The following GALNT5 variants were observed in gnomAD, a reference collection of about 807,000 sequenced individuals.
GALNT5 encodes the protein UDP-GalNAc:polypeptide N-acetylgalactosaminyltransferase 5.
A neutral mutation model predicts 85.4 loss-of-function variants in GALNT5; 72 were observed. The ratio of observed to expected loss-of-function variants is 0.84; its 90% CI spans 0.70 to 1.03. The LOEUF (loss-of-function observed/expected upper bound fraction) is 1.03, where lower values mean the gene tolerates loss of function less well. GALNT5 is among the 50% of genes least tolerant of loss of function. The probability of loss-of-function intolerance (pLI) is 0.00; values close to 1 mark genes in which losing one functional copy is unlikely to be tolerated. For missense variants in GALNT5, 1,137 were observed against 1,135.5 expected (o/e 1.00, Z -0.02); for synonymous variants, 404 against 397.0 (o/e 1.02, Z -0.21).
chr2:157,259,611 T>C, intron 1 of GALNT5, 75 bp downstream of exon 1: 2 of 1,072,966 alleles, frequency 1.9e-6, no homozygotes, highest in Non-Finnish European at 2.5e-6. Context: ...TATTGCTAGA[T>C]AATTCTGTGT....
intron 1 of GALNT5, among the ~76,000 whole-genome samples, chr2:157,281,681 T>C (rs1461734717): frequency 6.6e-6 from 1 of 152,190 alleles, no homozygotes; most frequent in Non-Finnish European, 1.5e-5. Flanking sequence ...GAGCAGAATG[T>C]TGGCAAAAAT....
At chr2:157,294,007 C>T (rs938973705) in intron 3 of GALNT5, among the ~76,000 whole-genome samples, 3 of 152,128 alleles carry the variant, frequency 2.0e-5, no homozygotes, top group Non-Finnish European at 4.4e-5. Context: ...AAAATTAGTT[C>T]TATACTGCAG....
chr2:157,296,999 A>T (rs1018769020), intron 5 of GALNT5, among the ~76,000 whole-genome samples: 1 of 152,204 alleles, frequency 6.6e-6, no homozygotes, highest in African/African-American at 2.4e-5. Context: ...CTGGATATGA[A>T]TTCAAGTTTG....
chr2:157,258,689 C>A lies in GALNT5; in HGVS notation c.607C>A (p.Pro203Thr), dbSNP rs1398609750. 6.2e-7 allele frequency: 1 copy of A among 1,613,890 alleles called. No individual in the cohort carries two copies. Among genetic ancestry groups the A allele is most frequent in the South Asian group, 1.1e-5 (1 of 91,052 alleles). Residue 203 changes from proline (P) to threonine (T), a missense_variant, in exon 1 of 10, where the codon CCC becomes ACC. By Grantham distance (38) the Pro-to-Thr change is conservative (BLOSUM62 -1). Coordinates refer to ENST00000259056, the MANE Select transcript of GALNT5 (RefSeq NM_014568.3). ...ACAGGAGCCCCGGAAGAGTCATAGT[C>A]CCAGCAGTGACACATCAAAACTAGC... ...LKQEPRKSHS[P>T]SSDTSKLAAE...
chr2:157,271,719 G>A (rs74675100), intron 1 of GALNT5, among the ~76,000 whole-genome samples: 10,528 of 152,162 alleles, frequency 0.069, 1,216 homozygotes, highest in African/African-American at 0.24. Context: ...TGAAGTCAAG[G>A]TTTCTGTTTC....
At chr2:157,290,073 C>CAA (rs1373726727) in intron 3 of GALNT5, among the ~76,000 whole-genome samples, 5 of 88,108 alleles carry the variant, frequency 5.7e-5, no homozygotes, top group African/African-American at 2.9e-4. Flanking sequence ...AATTCTGTCT[C>CAA]AAAAAAAAAA....
chr2:157,295,561 A>T, intron 3 of GALNT5, 102 bp from the exon 4 acceptor site: 2 of 844,904 alleles, frequency 2.4e-6, no homozygotes, highest in Non-Finnish European at 3.6e-6. Context: ...CACTGCATTT[A>T]TAGCCACATT....
At chr2:157,273,630 CTTTTTTTTTTTTTTT>C (rs35430045) in intron 1 of GALNT5, among the ~76,000 whole-genome samples, 2 of 23,744 alleles carry the variant, frequency 8.4e-5, no homozygotes, top group South Asian at 1.1e-3. Context: ...ATATTTCTTG[CTTTTTTTTTTTTTTT>C]TTTTTTTTTT....
At position 157,259,327 on chromosome 2, in the gene GALNT5, T is replaced by C. The variant is rs1682283589; in HGVS notation, c.1245T>C (p.Pro415=). 6.3e-7 allele frequency: 1 copy of C among 1,575,104 alleles called. No individual in the cohort carries two copies. The highest frequency in any genetic ancestry group is 8.6e-7 in the Non-Finnish European group (1 of 1,163,696). The change falls in exon 1 of 10, where the codon CCT becomes CCC. Residue 415 remains proline, a synonymous_variant. Coordinates refer to ENST00000259056, the MANE Select transcript of GALNT5 (RefSeq NM_014568.3). The stretch of plus-strand genomic sequence containing the variant: ...AGAGTCATATAAAAGCCCTTTTACC[T>C]GAAGACAGTGGAACGCACCAGGTGT... ...YNQSHIKALL[P]EDSGTHQVLR...
In GALNT5 at chr2:157,286,033, T is replaced by C. The variant is rs765537298; in HGVS notation, c.1640T>C (p.Leu547Ser). The C allele has an allele frequency of 6.3e-7, 1 of 1,599,938 alleles. No homozygotes were observed. The highest frequency in any genetic ancestry group is 1.7e-5 in the Admixed American group (1 of 59,998). The change falls in exon 3 of 10, where the codon TTG becomes TCG. Residue 547 changes from leucine to serine, a missense_variant. By Grantham distance (145) the Leu-to-Ser change is moderately radical. Coordinates refer to ENST00000259056, the MANE Select transcript of GALNT5 (RefSeq NM_014568.3). ...GATGTAGACTATCTAAAAGATAATTTGGATAAATACATGTCCCAGTTTCCA... is the reference window on the plus strand; with the variant it reads ...GATGTAGACTATCTAAAAGATAATTCGGATAAATACATGTCCCAGTTTCCA... ...FSTKDYLKDN[L>S]DKYMSQFPKV...
At chr2:157,308,782 T>C in intron 9 of GALNT5, 54 bp downstream of exon 9, 4 of 1,430,846 alleles carry the variant, frequency 2.8e-6, no homozygotes, top group Non-Finnish European at 3.9e-6. Context: ...TTTGATCAAA[T>C]AGGACATAAA....
intron 1 of GALNT5, among the ~76,000 whole-genome samples, chr2:157,264,029 T>C (rs1682405230): frequency 6.6e-6 from 1 of 152,200 alleles, no homozygotes; most frequent in South Asian, 2.1e-4. Context: ...TGCCTAGAAA[T>C]TTTGCCTATA....
At chr2:157,287,042 A>G (rs1682993056) in intron 3 of GALNT5, among the ~76,000 whole-genome samples, 1 of 152,086 alleles carries the variant, frequency 6.6e-6, no homozygotes, top group South Asian at 2.1e-4. Flanking sequence ...AAAATATTAT[A>G]TAGAATGCTA....
At chr2:157,301,541 G>A (rs1037927072) in intron 7 of GALNT5, 3 of 156,706 alleles carry the variant, frequency 1.9e-5, no homozygotes, top group African/African-American at 7.2e-5. Context: ...ACAGGTGAGT[G>A]TTCTCCATCC....
chr2:157,304,090 T>A (rs1013680641), intron 7 of GALNT5, among the ~76,000 whole-genome samples: 1 of 152,356 alleles, frequency 6.6e-6, no homozygotes, highest in Middle Eastern at 3.4e-3. Flanking sequence ...ATAATATTTA[T>A]CTCTGCTTCA....
chr2:157,282,336 T>A (rs1682874454), intron 1 of GALNT5, among the ~76,000 whole-genome samples: 1 of 152,184 alleles, frequency 6.6e-6, no homozygotes, highest in Non-Finnish European at 1.5e-5. Flanking sequence ...TGTTTGTTGG[T>A]GGGTTGGTTT....
intron 1 of GALNT5, among the ~76,000 whole-genome samples, chr2:157,268,942 A>G (rs1281036775): frequency 6.6e-6 from 1 of 152,244 alleles, no homozygotes; most frequent in East Asian, 1.9e-4. Context: ...CTGGCATTCA[A>G]ATTAGACTTT....
chr2:157,258,527 A>C lies in GALNT5; in HGVS notation c.445A>C (p.Thr149Pro). The change falls in exon 1 of 10, where the codon ACC becomes CCC. Residue 149 changes from threonine (T) to proline (P), a missense_variant. Transcript: ENST00000259056. Reference protein sequence around the residue: ...PNKQKTDGRGTKPEASSHQGT... With the variant: ...PNKQKTDGRGPKPEASSHQGT... Reference sequence around the variant, plus strand: ...CAAGCAGAAGACAGACGGGAGAGGCACCAAACCTGAAGCCTCCTCTCACCA... The same window carrying C: ...CAAGCAGAAGACAGACGGGAGAGGCCCCAAACCTGAAGCCTCCTCTCACCA... 1 of 1,612,658 alleles carries C rather than the reference A, an allele frequency of 6.2e-7. No homozygotes were observed. Among genetic ancestry groups the C allele is most frequent in the Non-Finnish European group, 8.5e-7 (1 of 1,179,732 alleles).
At chr2:157,262,819 CTTTTTTTTTT>C (rs535380585) in intron 1 of GALNT5, among the ~76,000 whole-genome samples, 11 of 100,946 alleles carry the variant, frequency 1.1e-4, no homozygotes, top group South Asian at 3.1e-4. Flanking sequence ...TTTCACAACT[CTTTTTTTTTT>C]TTTTTTTTTT....
Sources: gnomAD v4.1 joint callset for allele counts (sites outside exome capture counted in the v4.1 genomes callset) on GRCh38, gnomAD v4.1.1 for gene constraint, MANE v1.5 for transcripts, NCBI Gene and HGNC (gene_info 2026-07-23, HGNC 2026-07-21) for gene names.